The following SLC5A4 variants were observed in gnomAD, a reference collection of about 807,000 sequenced individuals.
The protein encoded by SLC5A4 is solute carrier family 5 member 4.
SLC5A4 carries 55 observed loss-of-function variants against 70.3 expected under a neutral mutation model. The ratio of observed to expected loss-of-function variants is 0.78; its 90% confidence interval spans 0.63 to 0.98. The LOEUF (loss-of-function observed/expected upper bound fraction) is 0.98. Ranked by LOEUF, SLC5A4 falls within the 50% of genes least tolerant of loss-of-function variation. The pLI is 0.00. For synonymous variants in SLC5A4, 268 were observed against 305.7 expected, an observed-to-expected ratio of 0.88 and a Z score of 1.29; for missense variants, 735 against 839.2, an observed-to-expected ratio of 0.88 and a Z score of 1.53.
At chr22:32,311,157 G>A in the SLC5A4 span, among the ~76,000 whole-genome samples, 1 of 152,144 alleles carries the variant, frequency 6.6e-6, no homozygotes, top group Non-Finnish European at 1.5e-5. Flanking sequence ...TCACTCACTT[G>A]TCCCTCGAAC....
chr22:32,341,874 T>G, the SLC5A4 span, among the ~76,000 whole-genome samples: 11 of 152,190 alleles, frequency 7.2e-5, no homozygotes, highest in African/African-American at 2.7e-4. Context: ...ACTATGTGAG[T>G]AAAGAGCATA....
At chr22:32,326,171 G>C in the SLC5A4 span, among the ~76,000 whole-genome samples, 1 of 152,230 alleles carries the variant, frequency 6.6e-6, no homozygotes, top group African/African-American at 2.4e-5. Flanking sequence ...CCTCATTCCA[G>C]GTGAACTGGA....
the SLC5A4 span, among the ~76,000 whole-genome samples, chr22:32,281,949 T>G: frequency 6.6e-6 from 1 of 152,176 alleles, no homozygotes; most frequent in African/African-American, 2.4e-5. Context: ...GTTCAAGCGA[T>G]TCTCCTGCCT....
At chr22:32,280,207 G>T in the SLC5A4 span, among the ~76,000 whole-genome samples, 2 of 152,034 alleles carry the variant, frequency 1.3e-5, no homozygotes, top group African/African-American at 4.8e-5. Flanking sequence ...GTAGAGACAG[G>T]GTTTCCCCAT....
the SLC5A4 span, among the ~76,000 whole-genome samples, chr22:32,331,632 C>A: frequency 6.6e-6 from 1 of 152,140 alleles, no homozygotes; most frequent in Non-Finnish European, 1.5e-5. Flanking sequence ...CTATGCCCAG[C>A]GGCTTCTGGC....
the SLC5A4 span, among the ~76,000 whole-genome samples, chr22:32,312,224 A>T: frequency 6.6e-6 from 1 of 152,118 alleles, no homozygotes; most frequent in African/African-American, 2.4e-5. Context: ...TGTGCTTAGC[A>T]AGAAGCTTGC....
chr22:32,306,139 CT>C, the SLC5A4 span, among the ~76,000 whole-genome samples: 3 of 152,272 alleles, frequency 2.0e-5, no homozygotes, highest in East Asian at 5.8e-4. Context: ...CATGACACTC[CT>C]TTATTAAAAC....
At chr22:32,239,791 G>A (rs1348074596) in intron 5 of SLC5A4, among the ~76,000 whole-genome samples, 1 of 148,728 alleles carries the variant, frequency 6.7e-6, no homozygotes, top group East Asian at 2.0e-4. Flanking sequence ...TTGGGAGGCC[G>A]AGGCAGGTGG....
the SLC5A4 span, among the ~76,000 whole-genome samples, chr22:32,333,201 C>CCCG: frequency 6.8e-6 from 1 of 147,414 alleles, no homozygotes; most frequent in South Asian, 2.2e-4. Flanking sequence ...CTGGCACCCC[C>CCCG]CCCCCAGAAG....
intron 12 of SLC5A4, among the ~76,000 whole-genome samples, chr22:32,225,160 A>G (rs952185393): frequency 1.3e-5 from 2 of 152,248 alleles, no homozygotes; most frequent in African/African-American, 2.4e-5. Context: ...TTAAGGGTAC[A>G]TGATCCACAA....
chr22:32,270,471 G>A, the SLC5A4 span: 25 of 921,528 alleles, frequency 2.7e-5, 1 homozygote, highest in South Asian at 1.6e-4. Flanking sequence ...GGGAGGGCAC[G>A]GAGCAGGAAC....
In SLC5A4 at chr22:32,237,293, G is replaced by A. The variant is rs1231448786; in HGVS notation, c.615C>T (p.Thr205=). The A allele has an allele frequency of 4.4e-6, 7 of 1,608,142 alleles. No individual in the cohort carries two copies. In the Admixed American group the frequency reaches 1.0e-4, roughly 23 times the overall value. ...GGLASVIYTD[T]LQTIIMLIGS... Reference sequence around the variant, plus strand: ...CAATCAGCATGATGATGGTCTGGAGGGTGTCTGTGTAAATCACCGAGGCCA... The same window carrying A: ...CAATCAGCATGATGATGGTCTGGAGAGTGTCTGTGTAAATCACCGAGGCCA... Residue 205 remains threonine, a synonymous_variant, in exon 7 of 15, where the codon ACC becomes ACT. Coordinates refer to ENST00000266086, the MANE Select transcript of SLC5A4 (RefSeq NM_014227.3).
the SLC5A4 span, among the ~76,000 whole-genome samples, chr22:32,346,230 GAC>G: frequency 1.3e-5 from 2 of 152,150 alleles, no homozygotes; most frequent in Non-Finnish European, 1.5e-5. Context: ...ATACCATTAT[GAC>G]AGTTTTTCCT....
the SLC5A4 span, among the ~76,000 whole-genome samples, chr22:32,337,999 T>A: frequency 1.4e-5 from 2 of 143,274 alleles, no homozygotes; most frequent in Admixed American, 1.4e-4. Context: ...TTCCTACAGC[T>A]TGAACTCTCT....
chr22:32,258,832 C>T (rs2145715601), upstream of SLC5A4, among the ~76,000 whole-genome samples: 1 of 152,300 alleles, frequency 6.6e-6, no homozygotes, highest in Non-Finnish European at 1.5e-5. Context: ...TAATGTCCAT[C>T]AGTGGATGCA....
chr22:32,320,314 T>C, the SLC5A4 span, among the ~76,000 whole-genome samples: 3 of 152,278 alleles, frequency 2.0e-5, no homozygotes, highest in South Asian at 4.2e-4. Flanking sequence ...ATTTGACACA[T>C]GCCTACGGTA....
At chr22:32,332,863 C>A in the SLC5A4 span, among the ~76,000 whole-genome samples, 2 of 152,178 alleles carry the variant, frequency 1.3e-5, no homozygotes, top group Non-Finnish European at 2.9e-5. Flanking sequence ...GAGATGCTGT[C>A]CTTTTCATCG....
the SLC5A4 span, among the ~76,000 whole-genome samples, chr22:32,278,591 GTT>G: frequency 9.2e-5 from 14 of 152,100 alleles, no homozygotes; most frequent in Non-Finnish European, 1.6e-4. Flanking sequence ...ATATTCTGAA[GTT>G]TCTCTAAATC....
the SLC5A4 span, among the ~76,000 whole-genome samples, chr22:32,297,781 G>A: frequency 5.4e-4 from 65 of 119,538 alleles, no homozygotes; most frequent in Admixed American, 9.5e-4. Context: ...GCTGTCTCTT[G>A]TGGGCATTTA....
Sources: gnomAD v4.1 joint callset for allele counts (sites outside exome capture counted in the v4.1 genomes callset) on GRCh38, gnomAD v4.1.1 for gene constraint, MANE v1.5 for transcripts, NCBI Gene and HGNC (gene_info 2026-07-23, HGNC 2026-07-21) for gene names.